SIGLEC12: variants seen among roughly 807,000 people sequenced by gnomAD.
The protein encoded by SIGLEC12 is sialic acid binding Ig like lectin 12, also known as sialic acid-binding Ig-like lectin 12.
In SIGLEC12, 43 loss-of-function variants were observed where a neutral mutation model predicts 54.1. The observed-to-expected ratio is 0.80, with a 90% CI of 0.62 to 1.03. The LOEUF is 1.03. Among genes scored for constraint, SIGLEC12 ranks in the 50% least tolerant of loss-of-function variants. The pLI, the probability that SIGLEC12 is intolerant of heterozygous loss-of-function variation, is 0.00. For synonymous variants in SIGLEC12, 357 were observed against 307.6 expected, an observed-to-expected ratio of 1.16 and a Z score of -1.68; for missense variants, 802 against 735.2, an observed-to-expected ratio of 1.09 and a Z score of -1.05.
Position 51,499,955 on chromosome 19 carries a change from T to C in SIGLEC12, c.773A>G (p.Asn258Ser). 6.2e-7 allele frequency: 1 copy of C among 1,613,774 alleles called. No homozygotes were observed. Among genetic ancestry groups the C allele is most frequent in the South Asian group, 1.1e-5 (1 of 91,044 alleles). The change falls in exon 2 of 8, where the codon AAC becomes AGC. Residue 258 changes from asparagine (N) to serine (S), a missense_variant. Transcript: ENST00000291707. ...CACAGAGAGCTTGTCATATATGTAG[T>C]TCCATTTCCTGCTTCCTCTCTCCAC... Reference protein sequence around the residue: ...FQVERGSRKWNYIYDKLSVHV... With the variant: ...FQVERGSRKWSYIYDKLSVHV...
At chr19:51,494,246 T>A (rs55970501) in intron 7 of SIGLEC12, among the ~76,000 whole-genome samples, 17,584 of 152,166 alleles carry the variant, frequency 0.12, 1,100 homozygotes, top group Middle Eastern at 0.24. Context: ...CAGAATATAT[T>A]AAAAAAATTC....
At chr19:51,493,836 C>T (rs1363205376) in intron 7 of SIGLEC12, among the ~76,000 whole-genome samples, 2 of 152,218 alleles carry the variant, frequency 1.3e-5, no homozygotes, top group Admixed American at 1.3e-4. Flanking sequence ...TCCTCTACCA[C>T]ACACAGTCTC....
intron 7 of SIGLEC12, 121 bp downstream of exon 7, chr19:51,496,758 TG>T: frequency 9.4e-7 from 1 of 1,059,034 alleles, no homozygotes; most frequent in Non-Finnish European, 1.4e-6. Flanking sequence ...GAGGAAAAAG[TG>T]GACAGGACGT....
chr19:51,495,413 G>A (rs149197258), intron 7 of SIGLEC12, among the ~76,000 whole-genome samples: 7,752 of 40,796 alleles, frequency 0.19, 582 homozygotes, highest in Middle Eastern at 0.37. Flanking sequence ...GGGTGGGTGG[G>A]TGGATGGATG....
chr19:51,499,148 C>G (rs1401051907), intron 4 of SIGLEC12, 22 bp downstream of exon 4: 2 of 1,613,540 alleles, frequency 1.2e-6, no homozygotes, highest in African/African-American at 2.7e-5. Flanking sequence ...CCTCCAGCCC[C>G]AGGGAGAGGA....
chr19:51,494,351 A>G (rs1990174861), intron 7 of SIGLEC12, among the ~76,000 whole-genome samples: 1 of 152,270 alleles, frequency 6.6e-6, no homozygotes, highest in Admixed American at 6.5e-5. Flanking sequence ...CAAAAGAAGC[A>G]TATGAAAACA....
At chr19:51,496,233 G>C (rs1371704475) in intron 7 of SIGLEC12, among the ~76,000 whole-genome samples, 1 of 152,230 alleles carries the variant, frequency 6.6e-6, no homozygotes, top group African/African-American at 2.4e-5. Context: ...ACTTTGGGAA[G>C]CTGAGGCAGG....
intron 7 of SIGLEC12, among the ~76,000 whole-genome samples, chr19:51,496,402 T>C (rs1334024172): frequency 6.6e-6 from 1 of 151,938 alleles, no homozygotes; most frequent in African/African-American, 2.4e-5. Flanking sequence ...GAGGTGGAGG[T>C]TGTGGTGAGC....
At chr19:51,500,490 A>C in intron 1 of SIGLEC12, 190 bp from the exon 2 acceptor site, 3 of 952,534 alleles carry the variant, frequency 3.1e-6, no homozygotes, top group Non-Finnish European at 4.7e-6. Flanking sequence ...TCAGCCCTGC[A>C]TGGAAGAGAA....
chr19:51,501,783 G>A lies in SIGLEC12; in HGVS notation c.-50C>T, dbSNP rs376073863. 1 of 1,514,798 alleles carries A rather than the reference G, an allele frequency of 6.6e-7. No homozygotes were observed. The allele number at this position is 1,514,798 out of a possible 1,614,324, so 93.8% of individuals were successfully genotyped here. ...TGCTGAGGTAAGTCTGTTCCTCAGG[G>A]TTCTTCTCTCAGGAACTGAGAACTC... is the stretch of plus-strand genomic sequence containing the variant. On this transcript the variant is annotated 5_prime_UTR_variant, in exon 1 of 8. Transcript: ENST00000291707.
rs201791049 is a variant in SIGLEC12, at chr19:51,498,072, G to A, written c.1351C>T (p.Pro451Ser). 3.1e-6 allele frequency: 5 copies of A among 1,614,214 alleles called. No individual in the cohort carries two copies. The highest frequency in any genetic ancestry group is 3.3e-5 in the Admixed American group (2 of 60,026). Residue 451 changes from proline to serine, a missense_variant, in exon 5 of 8, where the codon CCT becomes TCT. Physicochemically the swap from Pro to Ser is moderately conservative, Grantham distance 74. Coordinates refer to ENST00000291707, the MANE Select transcript of SIGLEC12 (RefSeq NM_053003.4). ...AGGGAAATGTGCTGGGAGCCTAGAG[G>A]GTTCTGAGCTCGGCAGGTGAATTCC... is the stretch of plus-strand genomic sequence containing the variant. ...EGEFTCRAQNPLGSQHISLSL... is the reference protein window; with the variant it reads ...EGEFTCRAQNSLGSQHISLSL...
intron 7 of SIGLEC12, 116 bp from the exon 8 acceptor site, chr19:51,491,945 C>T: frequency 1.4e-6 from 1 of 729,974 alleles, no homozygotes; most frequent in Non-Finnish European, 2.1e-6. Context: ...GTGCACTTTG[C>T]TGAAATCTCT....
rs1990102411 is a variant in SIGLEC12, at chr19:51,491,644, C to G, written c.1785G>C (p.Lys595Asn). 1 of 1,613,902 alleles carries G rather than the reference C, an allele frequency of 6.2e-7. No homozygotes were observed. The change falls in exon 8 of 8, where the codon AAG becomes AAC. Residue 595 changes from lysine to asparagine, a missense_variant. By Grantham distance (94) the Lys-to-Asn change is moderately conservative. Transcript: ENST00000291707. ...AGGCCTGAGTCTCTGCAGTTTCTCA[C>G]TTGGGGATGTTGATCTCGGAGTACT... ...GYEYSEINIP[K>N]
chr19:51,499,948 T>C lies in SIGLEC12; in HGVS notation c.780A>G (p.Ile260Met). ...VERGSRKWNY[I>M]YDKLSVHVTA... ...TCACATGCACAGAGAGCTTGTCATA[T>C]ATGTAGTTCCATTTCCTGCTTCCTC... The change falls in exon 2 of 8, where the codon ATA becomes ATG. Residue 260 changes from isoleucine (I) to methionine (M), a missense_variant. Coordinates refer to ENST00000291707, the MANE Select transcript of SIGLEC12 (RefSeq NM_053003.4). 6.2e-7 allele frequency: 1 copy of C among 1,613,576 alleles called. No individual in the cohort carries two copies. Among genetic ancestry groups the C allele is most frequent in the South Asian group, 1.1e-5 (1 of 91,048 alleles).
chr19:51,499,289 C>G, intron 3 of SIGLEC12, 72 bp from the exon 4 acceptor site: 2 of 1,589,856 alleles, frequency 1.3e-6, no homozygotes, highest in Non-Finnish European at 1.7e-6. Flanking sequence ...CCCAGGAGCC[C>G]CATAAATGGG....
At position 51,498,175 on chromosome 19, in the gene SIGLEC12, C is replaced by T. The variant is rs1329274561; in HGVS notation, c.1248G>A (p.Gly416=). The change falls in exon 5 of 8, where the codon GGG becomes GGA. Residue 416 remains glycine (G), a synonymous_variant. Coordinates refer to ENST00000291707, the MANE Select transcript of SIGLEC12 (RefSeq NM_053003.4). ...ACTGTGAGGGGCTCAGGGTCAGGCT[C>T]CCCCAGGTCCAGCTCAGCCTGGCAG... is the stretch of plus-strand genomic sequence containing the variant. The part of the protein sequence containing the change: ...NPPARLSWTW[G]SLTLSPSQSS... 7 of 1,614,090 alleles carry T rather than the reference C, an allele frequency of 4.3e-6. No individual in the cohort carries two copies. Among genetic ancestry groups the T allele is most frequent in the South Asian group, 1.1e-5 (1 of 91,080 alleles).
At chr19:51,499,787 C>T in intron 2 of SIGLEC12, 71 bp from the exon 3 acceptor site, 1 of 1,579,250 alleles carries the variant, frequency 6.3e-7, no homozygotes, top group Non-Finnish European at 8.6e-7. Flanking sequence ...GAGGCTCAGG[C>T]TCTGGTCTTA....
Position 51,498,085 on chromosome 19 carries a change from G to A in SIGLEC12, c.1338C>T (p.Cys446=), listed in dbSNP as rs1187815349. The part of the protein sequence containing the change: ...VHVKDEGEFT[C]RAQNPLGSQH... Reference sequence around the variant, plus strand: ...GGGAGCCTAGAGGGTTCTGAGCTCGGCAGGTGAATTCCCCTTCATCCTTCA... The same window carrying A: ...GGGAGCCTAGAGGGTTCTGAGCTCGACAGGTGAATTCCCCTTCATCCTTCA... The change falls in exon 5 of 8, where the codon TGC becomes TGT. Residue 446 remains cysteine, a synonymous_variant. Transcript: ENST00000291707. 6.2e-7 allele frequency: 1 copy of A among 1,614,244 alleles called. No individual in the cohort carries two copies. Among genetic ancestry groups the A allele is most frequent in the Admixed American group, 1.7e-5 (1 of 60,034 alleles).
At chr19:51,498,648 C>T (rs986568413) in intron 4 of SIGLEC12, among the ~76,000 whole-genome samples, 2 of 152,142 alleles carry the variant, frequency 1.3e-5, no homozygotes, top group Non-Finnish European at 2.9e-5. Context: ...AAATCAGAGA[C>T]TATTCAGACA....
Sources: gnomAD v4.1 joint callset for allele counts (sites outside exome capture counted in the v4.1 genomes callset) on GRCh38, gnomAD v4.1.1 for gene constraint, MANE v1.5 for transcripts, NCBI Gene and HGNC (gene_info 2026-07-23, HGNC 2026-07-21) for gene names.